Variants in INPP5F observed in about 807,000 individuals in gnomAD.
INPP5F encodes the protein inositol polyphosphate-5-phosphatase F.
A neutral mutation model predicts 137.2 loss-of-function variants in INPP5F; 97 were observed. The ratio of observed to expected loss-of-function variants is 0.71; its 90% CI spans 0.60 to 0.84. INPP5F has a LOEUF of 0.84. Ranked by LOEUF, INPP5F falls within the 40% of genes least tolerant of loss-of-function variation. The pLI is 0.00. For missense variants in INPP5F, 1,271 were observed against 1,371.9 expected (o/e 0.93, Z 1.16); for synonymous variants, 504 against 476.9 (o/e 1.06, Z -0.74).
chr10:119,795,037 C>G (rs1219935119), intron 6 of INPP5F, among the ~76,000 whole-genome samples: 3 of 125,170 alleles, frequency 2.4e-5, no homozygotes, highest in African/African-American at 9.1e-5. Flanking sequence ...CTGACCCCCC[C>G]ACCTCCCTCC....
chr10:119,729,973 G>C (rs196215), intron 1 of INPP5F, among the ~76,000 whole-genome samples: 149,092 of 152,080 alleles, frequency 0.98, 73,162 homozygotes, highest in Middle Eastern at 1. Flanking sequence ...GTTAAAAAAC[G>C]AAGTATTGTT....
chr10:119,759,491 G>C (rs756764362), intron 2 of INPP5F, among the ~76,000 whole-genome samples: 1 of 151,960 alleles, frequency 6.6e-6, no homozygotes, highest in South Asian at 2.1e-4. Context: ...CTTGGTTTAA[G>C]CGATTCTTGT....
intron 2 of INPP5F, among the ~76,000 whole-genome samples, chr10:119,765,081 T>G (rs2134148766): frequency 6.6e-6 from 1 of 151,994 alleles, no homozygotes; most frequent in East Asian, 1.9e-4. Context: ...TACAGGTGCC[T>G]ACCACCACGC....
intron 2 of INPP5F, among the ~76,000 whole-genome samples, chr10:119,774,091 G>A (rs989772142): frequency 6.6e-6 from 1 of 151,466 alleles, no homozygotes; most frequent in African/African-American, 2.4e-5. Context: ...GTGAAACCCC[G>A]TCTCTACTAA....
At chr10:119,788,948 G>A (rs1306254368) in intron 3 of INPP5F, among the ~76,000 whole-genome samples, 2 of 152,128 alleles carry the variant, frequency 1.3e-5, no homozygotes, top group African/African-American at 2.4e-5. Flanking sequence ...TTTGTTGGCC[G>A]GGCGCAGTGG....
At chr10:119,797,259 A>G (rs1850418167) in intron 7 of INPP5F, among the ~76,000 whole-genome samples, 1 of 152,176 alleles carries the variant, frequency 6.6e-6, no homozygotes, top group Non-Finnish European at 1.5e-5. Flanking sequence ...CTTTCAGTTC[A>G]GAGGAACTGA....
chr10:119,749,475 G>T (rs1034421699), intron 1 of INPP5F, among the ~76,000 whole-genome samples: 1 of 152,244 alleles, frequency 6.6e-6, no homozygotes, highest in African/African-American at 2.4e-5. Context: ...GATAGGTGAT[G>T]ATTTTTTTTC....
rs139481773 is a variant in INPP5F, at chr10:119,827,763, C to G, written c.3382C>G (p.Arg1128Gly). The change falls in exon 20 of 20, where the codon CGG becomes GGG. Residue 1128 changes from arginine to glycine, a missense_variant. By Grantham distance (125) the Arg-to-Gly change is moderately radical. This residue lies in a region of INPP5F where 490 missense variants were observed against 443.7 expected (regional missense o/e 1.10). Transcript: ENST00000650623. Reference sequence around the variant, plus strand: ...AAAGATGTTTATACAATGCCAGACACGGATAATTCAGATTTAGCTTTTAGC... The same window carrying G: ...AAAGATGTTTATACAATGCCAGACAGGGATAATTCAGATTTAGCTTTTAGC... The part of the protein sequence containing the change: ...LKKMFIQCQT[R>G]IIQI 6.2e-7 allele frequency: 1 copy of G among 1,602,330 alleles called. No homozygotes were observed. The highest frequency in any genetic ancestry group is 1.3e-5 in the African/African-American group (1 of 74,270).
intron 3 of INPP5F, among the ~76,000 whole-genome samples, chr10:119,786,736 C>G (rs1398145649): frequency 2.6e-5 from 4 of 151,622 alleles, no homozygotes; most frequent in Non-Finnish European, 4.4e-5. Context: ...CCATGCTGGT[C>G]TTGAATACCT....
At chr10:119,790,761 T>C (rs1850111770) in intron 3 of INPP5F, among the ~76,000 whole-genome samples, 1 of 152,230 alleles carries the variant, frequency 6.6e-6, no homozygotes, top group African/African-American at 2.4e-5. Context: ...TTTCAGAATA[T>C]TTGCTTTGTT....
intron 6 of INPP5F, among the ~76,000 whole-genome samples, 162 bp from the exon 7 acceptor site, chr10:119,796,553 C>T (rs887895233): frequency 1.3e-5 from 2 of 152,144 alleles, no homozygotes; most frequent in Admixed American, 6.5e-5. Flanking sequence ...CTCCTCTGTC[C>T]GTTCCTTACG....
intron 2 of INPP5F, among the ~76,000 whole-genome samples, chr10:119,757,996 A>C (rs1848900478): frequency 6.6e-6 from 1 of 152,194 alleles, no homozygotes. Context: ...TTATGGATTT[A>C]ACAAGTATCT....
Position 119,806,283 on chromosome 10 carries a change from T to C in INPP5F, c.1320-77T>C, listed in dbSNP as rs1213948555. ...ACAGCCAGTGCTGCTGTTTTATTGA[T>C]ATACTTTAAAGAATTGTGTCTTTTG... On this transcript the variant is annotated intron_variant, in intron 11 of 19. Coordinates refer to ENST00000650623, the MANE Select transcript of INPP5F (RefSeq NM_014937.4). 5.7e-6 allele frequency: 6 copies of C among 1,055,202 alleles called. No individual in the cohort carries two copies. In the African/African-American group the frequency reaches 9.6e-5, roughly 17 times the overall value. The allele number at this position is 1,055,202 out of a possible 1,614,324, so 65.4% of individuals were successfully genotyped here.
At chr10:119,746,314 G>C (rs1439144991) in intron 1 of INPP5F, among the ~76,000 whole-genome samples, 1 of 152,128 alleles carries the variant, frequency 6.6e-6, no homozygotes, top group Non-Finnish European at 1.5e-5. Context: ...CTTTAACTCT[G>C]TTTTTTCCTT....
intron 1 of INPP5F, among the ~76,000 whole-genome samples, chr10:119,729,207 GTGTTCTCGGCTCAC>G (rs1419464011): frequency 6.6e-6 from 1 of 151,864 alleles, no homozygotes; most frequent in East Asian, 2.0e-4. Context: ...GTGCGGTGGC[GTGTTCTCGGCTCAC>G]TGCAACCTCT....
intron 15 of INPP5F, 29 bp from the exon 16 acceptor site, chr10:119,820,817 A>G: frequency 1.3e-6 from 2 of 1,543,968 alleles, no homozygotes; most frequent in Non-Finnish European, 1.8e-6. Context: ...AAATGAAAAT[A>G]CTTAATCTCC....
At chr10:119,751,995 G>A (rs181626897) in intron 2 of INPP5F, among the ~76,000 whole-genome samples, 2 of 152,258 alleles carry the variant, frequency 1.3e-5, no homozygotes, top group East Asian at 1.9e-4. Context: ...ATTTTGATGA[G>A]TTATGAATTA....
intron 15 of INPP5F, 125 bp downstream of exon 15, chr10:119,812,080 A>G (rs890643185): frequency 9.7e-6 from 7 of 722,826 alleles, no homozygotes; most frequent in African/African-American, 5.3e-5. Flanking sequence ...TATTTCCTCT[A>G]TGAGCTGGTA....
At chr10:119,812,765 T>A (rs928709902) in intron 15 of INPP5F, among the ~76,000 whole-genome samples, 1 of 152,206 alleles carries the variant, frequency 6.6e-6, no homozygotes, top group Non-Finnish European at 1.5e-5. Flanking sequence ...TGTATGGATA[T>A]AATATGTGGA....
Sources: gnomAD v4.1 joint callset for allele counts (sites outside exome capture counted in the v4.1 genomes callset) on GRCh38, gnomAD v4.1.1 for gene constraint, gnomAD v4.1.1 regional missense constraint, MANE v1.5 for transcripts, NCBI Gene and HGNC (gene_info 2026-07-23, HGNC 2026-07-21) for gene names.